Variants in AGBL4 observed in about 807,000 individuals in gnomAD.
AGBL4 encodes the protein AGBL carboxypeptidase 4, also known as cytosolic carboxypeptidase 6.
A neutral mutation model predicts 66.4 loss-of-function variants in AGBL4; 58 were observed. The observed-to-expected ratio is 0.87, with a 90% CI of 0.71 to 1.09. The LOEUF is 1.09. Among genes scored for constraint, AGBL4 ranks in the 50% least tolerant of loss-of-function variants. The pLI is 0.00. For synonymous variants in AGBL4, 234 were observed against 222.9 expected (o/e 1.05, Z -0.44); for missense variants, 579 against 631.0 (o/e 0.92, Z 0.88).
chr1:48,913,157 G>A (rs956744963), intron 5 of AGBL4, among the ~76,000 whole-genome samples: 3 of 152,186 alleles, frequency 2.0e-5, no homozygotes, highest in African/African-American at 7.2e-5. Context: ...TGGAAGCCAC[G>A]TTAAAAAGAA....
chr1:48,615,860 C>G (rs537731220), intron 9 of AGBL4, among the ~76,000 whole-genome samples: 1 of 152,272 alleles, frequency 6.6e-6, no homozygotes, highest in African/African-American at 2.4e-5. Context: ...AGTCCAAGAT[C>G]AAGGCACCAG....
chr1:49,602,973 C>A (rs2124175398), intron 3 of AGBL4, among the ~76,000 whole-genome samples: 1 of 152,202 alleles, frequency 6.6e-6, no homozygotes, highest in Non-Finnish European at 1.5e-5. Context: ...TTAATTCATA[C>A]AACAACCCTT....
intron 3 of AGBL4, among the ~76,000 whole-genome samples, chr1:49,609,001 G>A (rs1359062103): frequency 6.6e-6 from 1 of 152,078 alleles, no homozygotes; most frequent in African/African-American, 2.4e-5. Context: ...AAGTCACAAA[G>A]TTAGTAAATT....
At chr1:49,886,332 C>T (rs1353952012) in intron 1 of AGBL4, among the ~76,000 whole-genome samples, 1 of 152,010 alleles carries the variant, frequency 6.6e-6, no homozygotes, top group East Asian at 1.9e-4. Flanking sequence ...CCTGAACTAC[C>T]TCAAATATGT....
intron 3 of AGBL4, among the ~76,000 whole-genome samples, chr1:49,262,442 C>A (rs1653283804): frequency 6.6e-6 from 1 of 152,058 alleles, no homozygotes; most frequent in Admixed American, 6.5e-5. Flanking sequence ...CTACAATGAA[C>A]TCAAACAAAT....
In AGBL4 at chr1:49,322,262, A is replaced by T. The variant is rs558945835; in HGVS notation, c.283-76398T>A. 3.3e-5 allele frequency among the ~76,000 whole-genome samples: 5 copies of T among 152,356 alleles called. No individual in the cohort carries two copies. The South Asian group carries it at 1.0e-3, about 32-fold the overall frequency. ...TTTTATAGCATGATGTTATTTTTGTAAACACAAAACCATACACACATTAAA... is the reference window on the plus strand; with the variant it reads ...TTTTATAGCATGATGTTATTTTTGTTAACACAAAACCATACACACATTAAA... On this transcript the variant is annotated intron_variant, in intron 3 of 13. Coordinates refer to ENST00000371839, the MANE Select transcript of AGBL4 (RefSeq NM_032785.4).
chr1:49,936,668 G>A (rs187181953), intron 1 of AGBL4, among the ~76,000 whole-genome samples: 3 of 152,340 alleles, frequency 2.0e-5, no homozygotes, highest in African/African-American at 4.8e-5. Flanking sequence ...CCAGAAGAGA[G>A]TGGGAGCCAA....
intron 1 of AGBL4, among the ~76,000 whole-genome samples, chr1:49,899,332 T>C (rs1051142086): frequency 7.9e-5 from 12 of 152,058 alleles, no homozygotes; most frequent in African/African-American, 2.9e-4. Flanking sequence ...AACAGGGTGA[T>C]TATAGTCAAT....
chr1:49,730,823 T>A (rs936815681), intron 2 of AGBL4, among the ~76,000 whole-genome samples: 3 of 152,236 alleles, frequency 2.0e-5, no homozygotes, highest in African/African-American at 7.2e-5. Context: ...TGGAGATTTC[T>A]GGCTGGCGAA....
intron 11 of AGBL4, 190 bp downstream of exon 11, chr1:48,586,814 T>G (rs1569894263): frequency 3.0e-6 from 2 of 658,722 alleles, no homozygotes; most frequent in East Asian, 2.9e-5. Flanking sequence ...GCAATTGGGG[T>G]AGGAGTATCA....
intron 4 of AGBL4, among the ~76,000 whole-genome samples, chr1:49,191,606 C>T (rs1022957163): frequency 1.4e-4 from 22 of 152,172 alleles, no homozygotes; most frequent in Non-Finnish European, 2.1e-4. Context: ...CAACTCTTGC[C>T]TCCTCACACC....
chr1:49,568,487 TCACACACACA>T (rs71059555), intron 3 of AGBL4, among the ~76,000 whole-genome samples: 33 of 131,284 alleles, frequency 2.5e-4, no homozygotes, highest in African/African-American at 7.7e-4. Flanking sequence ...AAATAAGTGA[TCACACACACA>T]CACACACACA....
intron 5 of AGBL4, among the ~76,000 whole-genome samples, chr1:48,918,635 C>T (rs1653820855): frequency 6.6e-6 from 1 of 152,168 alleles, no homozygotes; most frequent in South Asian, 2.1e-4. Flanking sequence ...AAGAAGATGG[C>T]AGTCTGTGAC....
At chr1:49,438,276 T>G (rs1161709050) in intron 3 of AGBL4, among the ~76,000 whole-genome samples, 1 of 152,164 alleles carries the variant, frequency 6.6e-6, no homozygotes, top group Non-Finnish European at 1.5e-5. Flanking sequence ...AAACCACTCC[T>G]TAAGTAGGAA....
chr1:49,506,672 TGG>T, intron 3 of AGBL4, among the ~76,000 whole-genome samples: 1 of 152,168 alleles, frequency 6.6e-6, no homozygotes, highest in East Asian at 1.9e-4. Flanking sequence ...TACCCAGTCT[TGG>T]GTATGTCTTT....
chr1:48,832,504 A>C (rs532677949), intron 6 of AGBL4, among the ~76,000 whole-genome samples: 1 of 152,152 alleles, frequency 6.6e-6, no homozygotes, highest in Non-Finnish European at 1.5e-5. Context: ...CTTGAGGTTC[A>C]GGGCTTGGAA....
At chr1:48,701,885 T>C (rs956717226) in intron 6 of AGBL4, among the ~76,000 whole-genome samples, 2 of 152,208 alleles carry the variant, frequency 1.3e-5, no homozygotes, top group Non-Finnish European at 2.9e-5. Flanking sequence ...AATGAGTTAA[T>C]GAACGAATGA....
chr1:48,652,476 G>T (rs1431855486), intron 8 of AGBL4, among the ~76,000 whole-genome samples: 1 of 152,164 alleles, frequency 6.6e-6, no homozygotes, highest in Non-Finnish European at 1.5e-5. Context: ...GTTCTAGGAG[G>T]AGAGGAGGAG....
chr1:49,432,878 G>C (rs753652526), intron 3 of AGBL4, among the ~76,000 whole-genome samples: 43 of 152,304 alleles, frequency 2.8e-4, no homozygotes, highest in Non-Finnish European at 4.3e-4. Flanking sequence ...ATACCAAAGA[G>C]GCATGATTAA....
Sources: allele counts gnomAD v4.1 joint callset (sites outside exome capture counted in the v4.1 genomes callset), GRCh38; gene constraint gnomAD v4.1.1; transcripts MANE v1.5; gene names NCBI Gene and HGNC (gene_info 2026-07-23, HGNC 2026-07-21).